Variants in ZNF860 observed in about 807,000 individuals in gnomAD.
ZNF860 encodes zinc finger protein 860.
For synonymous variants in ZNF860, 206 were observed against 248.9 expected (o/e 0.83, Z 1.62); for missense variants, 641 against 759.2 (o/e 0.84, Z 1.83).
downstream of ZNF860, among the ~76,000 whole-genome samples, chr3:31,994,428 A>G (rs1443881840): frequency 2.0e-5 from 3 of 152,172 alleles, no homozygotes; most frequent in Non-Finnish European, 4.4e-5. Flanking sequence ...AAAAAGGTAT[A>G]TGAGGTCAAA....
chr3:31,991,103 GTTGAC>G lies in ZNF860; in HGVS notation c.*131_*135del. ...CAATTCAGCATTGACTTGAGTTTCAGTTGACTTGACATTGAGTTCAAGCATTAATT... is the reference window on the plus strand; with the variant it reads ...CAATTCAGCATTGACTTGAGTTTCAGTTGACATTGAGTTCAAGCATTAATT... On this transcript the variant is annotated 3_prime_UTR_variant, in exon 2 of 2. Transcript: ENST00000360311. 1.1e-6 allele frequency: 1 copy of G among 951,326 alleles called. No individual in the cohort carries two copies. Among genetic ancestry groups the G allele is most frequent in the East Asian group, 2.5e-5 (1 of 39,644 alleles). 58.9% of individuals were successfully genotyped at this position (951,326 alleles called of 1,614,324 possible).
At chr3:31,992,646 C>T (rs1699046684), downstream of ZNF860, among the ~76,000 whole-genome samples, 1 of 152,148 alleles carries the variant, frequency 6.6e-6, no homozygotes, top group African/African-American at 2.4e-5. Context: ...ACATTGAGCA[C>T]ACCTGGATGA....
chr3:31,995,883 G>A (rs1699086439), downstream of ZNF860, among the ~76,000 whole-genome samples: 1 of 152,176 alleles, frequency 6.6e-6, no homozygotes, highest in Non-Finnish European at 1.5e-5. Context: ...TCAATGCAGT[G>A]CAAAGCCGCT....
In ZNF860 at chr3:31,990,333, A is replaced by T. The variant is rs1407435887; in HGVS notation, c.1254A>T (p.Arg418Ser). 6.2e-7 allele frequency: 1 copy of T among 1,614,146 alleles called. No homozygotes were observed. The highest frequency in any genetic ancestry group is 8.5e-7 in the Non-Finnish European group (1 of 1,180,006). Residue 418 changes from arginine to serine, a missense_variant, in exon 2 of 2, where the codon AGA becomes AGT. Transcript: ENST00000360311. ...SNATTIANHW[R>S]IHNEERSYKC... Reference sequence around the variant, plus strand: ...CTACAACCATTGCAAATCATTGGAGAATCCATAATGAAGAGAGATCTTACA... The same window carrying T: ...CTACAACCATTGCAAATCATTGGAGTATCCATAATGAAGAGAGATCTTACA...
chr3:31,993,313 A>G (rs183844061), downstream of ZNF860, among the ~76,000 whole-genome samples: 1,307 of 151,674 alleles, frequency 8.6e-3, 26 homozygotes, highest in African/African-American at 0.03. Context: ...AGGTTCAAGC[A>G]CTTCTCCTGC....
chr3:31,999,875 T>C, the ZNF860 span, among the ~76,000 whole-genome samples: 1 of 152,192 alleles, frequency 6.6e-6, no homozygotes, highest in East Asian at 1.9e-4. Flanking sequence ...AAACCGGGCC[T>C]GAAAACCGAA....
chr3:31,982,148 C>A (rs1249113809), intron 1 of ZNF860, among the ~76,000 whole-genome samples: 1 of 152,146 alleles, frequency 6.6e-6, no homozygotes, highest in African/African-American at 2.4e-5. Context: ...GCTCTGAAAC[C>A]GGGAAAACTG....
At chr3:31,993,347 T>A (rs2125524611), downstream of ZNF860, among the ~76,000 whole-genome samples, 1 of 152,104 alleles carries the variant, frequency 6.6e-6, no homozygotes, top group East Asian at 1.9e-4. Flanking sequence ...TAGCTGGGAT[T>A]ACAGGCATGC....
Position 31,991,241 on chromosome 3 carries a change from T to A in ZNF860, c.*263T>A. On this transcript the variant is annotated 3_prime_UTR_variant, in exon 2 of 2. Transcript: ENST00000360311. The stretch of plus-strand genomic sequence containing the variant: ...CGGATAGATCACTTGAGGTCAGGAG[T>A]TTGAGACCATCCTGGCCAAAAGACG... 1 of 404,330 alleles carries A rather than the reference T, an allele frequency of 2.5e-6. No homozygotes were observed. The highest frequency in any genetic ancestry group is 4.5e-6 in the Non-Finnish European group (1 of 219,866). The allele number at this position is 404,330 out of a possible 1,614,324, so 25.0% of individuals were successfully genotyped here. A position where few individuals can be genotyped will look rare whatever the true frequency, so the allele number is the denominator to read the frequency against.
downstream of ZNF860, among the ~76,000 whole-genome samples, chr3:31,995,313 C>G (rs1699079730): frequency 6.6e-6 from 1 of 152,156 alleles, no homozygotes; most frequent in Admixed American, 6.5e-5. Flanking sequence ...CAGACATCCC[C>G]AGAGCGGCCG....
the ZNF860 span, among the ~76,000 whole-genome samples, chr3:32,001,746 A>G: frequency 6.6e-6 from 1 of 152,090 alleles, no homozygotes; most frequent in African/African-American, 2.4e-5. Context: ...TGTAAAAAAA[A>G]AAAGCCTAGC....
chr3:31,990,338 A>C lies in ZNF860; in HGVS notation c.1259A>C (p.His420Pro), dbSNP rs1213178202. ...ATTIANHWRI[H>P]NEERSYKCNK... is the part of the protein sequence containing the mutation. ...ACCATTGCAAATCATTGGAGAATCC[A>C]TAATGAAGAGAGATCTTACAAGTGT... Residue 420 changes from histidine (H) to proline (P), a missense_variant, in exon 2 of 2, where the codon CAT becomes CCT. His to Pro is a moderately conservative substitution (Grantham distance 77). Coordinates refer to ENST00000360311, the MANE Select transcript of ZNF860 (RefSeq NM_001137674.3). The C allele has an allele frequency of 6.2e-7, 1 of 1,614,062 alleles. No individual in the cohort carries two copies. Among genetic ancestry groups the C allele is most frequent in the African/African-American group, 1.3e-5 (1 of 74,940 alleles).
chr3:31,993,164 C>T (rs1559545454), downstream of ZNF860, among the ~76,000 whole-genome samples: 1 of 129,114 alleles, frequency 7.7e-6, no homozygotes, highest in East Asian at 2.3e-4. Flanking sequence ...GTAAGAAAAC[C>T]TTATTTTATT....
Position 31,990,837 on chromosome 3 carries a change from A to C in ZNF860, c.1758A>C (p.Arg586Ser). Residue 586 changes from arginine (R) to serine (S), a missense_variant, in exon 2 of 2, where the codon AGA (arginine) becomes AGC (serine). By Grantham distance (110) the Arg-to-Ser change is moderately radical. Coordinates refer to ENST00000360311, the MANE Select transcript of ZNF860 (RefSeq NM_001137674.3). ...CTTCATCTTATGCAAAACAAAGGAG[A>C]ATTCATATGGGAGAGAAACATCACA... is the stretch of plus-strand genomic sequence containing the variant. Reference protein sequence around the residue: ...SQASSYAKQRRIHMGEKHHKC... With the variant: ...SQASSYAKQRSIHMGEKHHKC... 1 of 1,589,684 alleles carries C rather than the reference A, an allele frequency of 6.3e-7. No individual in the cohort carries two copies. The highest frequency in any genetic ancestry group is 1.1e-5 in the South Asian group (1 of 88,752).
At chr3:32,001,319 C>T in the ZNF860 span, among the ~76,000 whole-genome samples, 1 of 152,208 alleles carries the variant, frequency 6.6e-6, no homozygotes, top group Non-Finnish European at 1.5e-5. Context: ...TTAACCCCTA[C>T]AGTCTTGCTG....
At chr3:31,986,285 G>A (rs1698931674) in intron 1 of ZNF860, 1 of 152,168 alleles carries the variant, frequency 6.6e-6, no homozygotes, top group African/African-American at 2.4e-5. Context: ...ACTCAAAGAG[G>A]AGGAGTTGAT....
In ZNF860 at chr3:31,990,824, C is replaced by G; in HGVS notation, c.1745C>G (p.Ala582Gly). 1 of 1,597,138 alleles carries G rather than the reference C, an allele frequency of 6.3e-7. No homozygotes were observed. The highest frequency in any genetic ancestry group is 8.5e-7 in the Non-Finnish European group (1 of 1,170,876). Residue 582 changes from alanine (A) to glycine (G), a missense_variant, in exon 2 of 2, where the codon GCA (alanine) becomes GGA (glycine). Transcript: ENST00000360311. ...DEAFSQASSY[A>G]KQRRIHMGEK... Reference sequence around the variant, plus strand: ...GCCTTCAGTCAAGCTTCATCTTATGCAAAACAAAGGAGAATTCATATGGGA... The same window carrying G: ...GCCTTCAGTCAAGCTTCATCTTATGGAAAACAAAGGAGAATTCATATGGGA...
chr3:31,985,668 G>A (rs960214335), intron 1 of ZNF860, among the ~76,000 whole-genome samples: 15 of 152,172 alleles, frequency 9.9e-5, no homozygotes, highest in Admixed American at 5.9e-4. Context: ...GCTTGGCCAC[G>A]AATAGAGAGA....
At chr3:32,001,643 G>A in the ZNF860 span, among the ~76,000 whole-genome samples, 1 of 151,968 alleles carries the variant, frequency 6.6e-6, no homozygotes, top group African/African-American at 2.4e-5. Flanking sequence ...AGCAGGAACT[G>A]TTACCATCAG....
Sources: allele counts gnomAD v4.1 joint callset (sites outside exome capture counted in the v4.1 genomes callset), GRCh38; gene constraint gnomAD v4.1.1; transcripts MANE v1.5; gene names NCBI Gene and HGNC (gene_info 2026-07-23, HGNC 2026-07-21).